SLC47A1: variants seen among roughly 807,000 people sequenced by gnomAD.
The protein encoded by SLC47A1 is solute carrier family 47 member 1, also known as multidrug and toxin extrusion protein 1.
SLC47A1 carries 58 observed loss-of-function variants against 65.8 expected under a neutral mutation model. The ratio of observed to expected loss-of-function variants is 0.88; its 90% confidence interval spans 0.71 to 1.10. The LOEUF is 1.10. Among genes scored for constraint, SLC47A1 ranks in the 50% least tolerant of loss-of-function variants. The pLI is 0.00. For synonymous variants in SLC47A1, 285 were observed against 295.0 expected, an observed-to-expected ratio of 0.97 and a Z score of 0.35; for missense variants, 706 against 719.2, an observed-to-expected ratio of 0.98 and a Z score of 0.21.
chr17:19,540,878 C>CACACACACACA (rs879334096), intron 1 of SLC47A1, among the ~76,000 whole-genome samples: 42 of 127,178 alleles, frequency 3.3e-4, no homozygotes, highest in East Asian at 2.5e-3. Flanking sequence ...ACACACACAC[C>CACACACACACA]CCTAGGGTTA....
Position 19,555,787 on chromosome 17 carries a change from C to G in SLC47A1, c.740-9C>G, listed in dbSNP as rs756883801. The G allele has an allele frequency of 6.2e-7, 1 of 1,613,360 alleles. No individual in the cohort carries two copies. Among genetic ancestry groups the G allele is most frequent in the Non-Finnish European group, 8.5e-7 (1 of 1,179,918 alleles). Reference sequence around the variant, plus strand: ...AGATCTCCTGGAAATGTGTGTGTCCCCCCCACAGGCTGGTCCCTCGAGTGC... The same window carrying G: ...AGATCTCCTGGAAATGTGTGTGTCCGCCCCACAGGCTGGTCCCTCGAGTGC... On this transcript the variant is annotated splice_polypyrimidine_tract_variant and intron_variant, in intron 8 of 16. Coordinates refer to ENST00000270570, the MANE Select transcript of SLC47A1 (RefSeq NM_018242.3).
intron 5 of SLC47A1, among the ~76,000 whole-genome samples, chr17:19,550,876 A>G (rs1395230835): frequency 6.6e-6 from 1 of 152,114 alleles, no homozygotes; most frequent in African/African-American, 2.4e-5. Flanking sequence ...TTATGAGGAC[A>G]CGAGTCCTAT....
At chr17:19,555,110 T>C (rs2152314383) in intron 6 of SLC47A1, 102 bp from the exon 7 acceptor site, 1 of 1,025,518 alleles carries the variant, frequency 9.8e-7, no homozygotes, top group Non-Finnish European at 1.5e-6. Flanking sequence ...ATGCCTGTGA[T>C]ACCCGCTGAG....
At chr17:19,537,368 G>A (rs1166114221) in intron 1 of SLC47A1, among the ~76,000 whole-genome samples, 1 of 152,238 alleles carries the variant, frequency 6.6e-6, no homozygotes, top group East Asian at 1.9e-4. Flanking sequence ...TATCCTGAAG[G>A]CAATGGGGAA....
chr17:19,549,594 T>A, intron 4 of SLC47A1, 41 bp from the exon 5 acceptor site: 2 of 1,595,762 alleles, frequency 1.3e-6, no homozygotes, highest in Non-Finnish European at 1.7e-6. Context: ...AACAGAGGCC[T>A]CCATCACAGT....
intron 14 of SLC47A1, among the ~76,000 whole-genome samples, chr17:19,568,473 A>G (rs1266169542): frequency 6.6e-6 from 1 of 152,238 alleles, no homozygotes; most frequent in Admixed American, 6.5e-5. Flanking sequence ...AAATTATTGC[A>G]ACGTGCAATC....
At chr17:19,565,577 C>CT (rs11362429) in intron 12 of SLC47A1, among the ~76,000 whole-genome samples, 5,548 of 95,544 alleles carry the variant, frequency 0.058, 484 homozygotes, top group African/African-American at 0.19. Context: ...GTCTGAAAAT[C>CT]TTTTTTTTTT....
rs375531017 is a variant in SLC47A1, at chr17:19,556,104, C to A, written c.921+42C>A. Reference sequence around the variant, plus strand: ...ATCATGGGGAGGTGCCAGGCGTTTTCCTTGCTTGGTATCTGAAAGAGTCTA... The same window carrying A: ...ATCATGGGGAGGTGCCAGGCGTTTTACTTGCTTGGTATCTGAAAGAGTCTA... On this transcript the variant is annotated intron_variant, in intron 10 of 16. Coordinates refer to ENST00000270570, the MANE Select transcript of SLC47A1 (RefSeq NM_018242.3). 1.2e-5 allele frequency: 19 copies of A among 1,605,618 alleles called. No individual in the cohort carries two copies. The African/African-American group carries it at 2.4e-4, about 20-fold the overall frequency.
chr17:19,555,335 G>T, intron 7 of SLC47A1, 26 bp downstream of exon 7: 1 of 1,610,552 alleles, frequency 6.2e-7, no homozygotes, highest in African/African-American at 1.3e-5. Context: ...TCTTGGGACA[G>T]GGAGAAGGGA....
At chr17:19,562,249 AGC>A (rs1274221641) in intron 12 of SLC47A1, among the ~76,000 whole-genome samples, 1 of 152,110 alleles carries the variant, frequency 6.6e-6, no homozygotes, top group African/African-American at 2.4e-5. Context: ...TTTCAGCTTC[AGC>A]TATTTTGTTA....
chr17:19,565,313 G>C (rs557560980), intron 12 of SLC47A1, among the ~76,000 whole-genome samples: 1 of 152,272 alleles, frequency 6.6e-6, no homozygotes, highest in East Asian at 1.9e-4. Context: ...GCTTCACTGA[G>C]GCTTACTAGG....
At chr17:19,571,359 C>T (rs1597512703) in intron 14 of SLC47A1, 119 bp from the exon 15 acceptor site, 2 of 815,134 alleles carry the variant, frequency 2.5e-6, no homozygotes, top group Non-Finnish European at 3.9e-6. Context: ...GTGGGCTCCA[C>T]CTCAGCCATG....
chr17:19,536,963 G>T (rs1415775208), intron 1 of SLC47A1, among the ~76,000 whole-genome samples: 1 of 152,212 alleles, frequency 6.6e-6, no homozygotes, highest in Non-Finnish European at 1.5e-5. Context: ...TTTCTCAAAA[G>T]ATGCGTCCAT....
At chr17:19,548,861 G>C (rs567122060) in intron 4 of SLC47A1, among the ~76,000 whole-genome samples, 2 of 152,242 alleles carry the variant, frequency 1.3e-5, no homozygotes, top group East Asian at 3.9e-4. Flanking sequence ...TGATTCTACT[G>C]TGCTGTCAAG....
rs766732309 is a variant in SLC47A1 at position 19,555,838 on chromosome 17, G to A, written c.782G>A (p.Arg261His). The change falls in exon 9 of 17, where the codon CGC (arginine) becomes CAC (histidine). Residue 261 changes from arginine (R) to histidine (H), a missense_variant. Transcript: ENST00000270570. ...ECLQDWASFL[R>H]LAIPSMLMLC... ...CTGCAGGACTGGGCCTCCTTCCTCC[G>A]CCTGGCCATCCCCAGCATGCTCATG... 70 of 1,613,476 alleles carry A rather than the reference G, an allele frequency of 4.3e-5. No individual in the cohort carries two copies. The highest frequency in any genetic ancestry group is 8.0e-5 in the African/African-American group (6 of 74,896).
chr17:19,536,859 ACC>A (rs1916000342), intron 1 of SLC47A1, among the ~76,000 whole-genome samples: 1 of 152,152 alleles, frequency 6.6e-6, no homozygotes, highest in Admixed American at 6.5e-5. Flanking sequence ...TCTCAAGTTA[ACC>A]CTGACCCTTG....
intron 14 of SLC47A1, among the ~76,000 whole-genome samples, chr17:19,569,121 C>T (rs930286149): frequency 2.0e-5 from 3 of 151,938 alleles, no homozygotes; most frequent in African/African-American, 7.3e-5. Flanking sequence ...CCTGTAATTC[C>T]AGCACTTTGG....
At chr17:19,557,971 T>C (rs892001132) in intron 10 of SLC47A1, 1 of 232,190 alleles carries the variant, frequency 4.3e-6, no homozygotes, top group African/African-American at 2.3e-5. Context: ...TATTTCCATA[T>C]GCTTTCCAAT....
chr17:19,546,772 T>G (rs2152313159), intron 3 of SLC47A1, among the ~76,000 whole-genome samples: 1 of 152,238 alleles, frequency 6.6e-6, no homozygotes, highest in Non-Finnish European at 1.5e-5. Flanking sequence ...GCTCCCCACG[T>G]TTGAATTTGG....
Sources: gnomAD v4.1 joint callset for allele counts (sites outside exome capture counted in the v4.1 genomes callset) on GRCh38, gnomAD v4.1.1 for gene constraint, MANE v1.5 for transcripts, NCBI Gene and HGNC (gene_info 2026-07-23, HGNC 2026-07-21) for gene names.